Variants in MARK1 observed in about 807,000 individuals in gnomAD.
MARK1 encodes the protein microtubule affinity regulating kinase 1.
A neutral mutation model predicts 96.3 loss-of-function variants in MARK1; 40 were observed. That is an observed-to-expected ratio of 0.42 (90% confidence interval 0.32 to 0.54). The LOEUF is 0.54. Ranked by LOEUF, MARK1 falls within the 20% of genes least tolerant of loss-of-function variation. The probability of loss-of-function intolerance (pLI) is 0.16; values close to 1 mark genes in which losing one functional copy is unlikely to be tolerated. For synonymous variants in MARK1, 317 were observed against 341.2 expected (o/e 0.93, Z 0.78); for missense variants, 719 against 984.6 (o/e 0.73, Z 3.61).
Position 220,618,800 on chromosome 1 carries a change from A to C in MARK1, c.909+45A>C. ...CCAAATTTAAATTTTAACAATTAAA[A>C]TATTCCAGGAACCGAAGAGCATTTT... On this transcript the variant is annotated intron_variant, in intron 9 of 17. Transcript: ENST00000366917. The surrounding 1 kb of genome is among the most constrained non-coding windows in gnomAD (Gnocchi z 4.6). 6.7e-7 allele frequency: 1 copy of C among 1,502,536 alleles called. No homozygotes were observed. The highest frequency in any genetic ancestry group is 9.0e-7 in the Non-Finnish European group (1 of 1,115,438). The allele number at this position is 1,502,536 out of a possible 1,614,324, so 93.1% of individuals were successfully genotyped here.
chr1:220,626,081 G>T, intron 9 of MARK1: 1 of 596,786 alleles, frequency 1.7e-6, no homozygotes, highest in Non-Finnish European at 3.2e-6. Context: ...TCTACTGGTG[G>T]CTCTCTGGCA....
rs1668905099 is a variant in MARK1 at position 220,651,979 on chromosome 1, G to A, written c.1572-7G>A. ...CCATGGTCTTCTCAACTGCTTTATG[G>A]TGAAAGCCTTACGGAGATGTCTGTG... is the stretch of plus-strand genomic sequence containing the variant. On this transcript the variant is annotated splice_region_variant and splice_polypyrimidine_tract_variant and intron_variant, in intron 14 of 17. Coordinates refer to ENST00000366917, the MANE Select transcript of MARK1 (RefSeq NM_018650.5). 1 of 1,562,924 alleles carries A rather than the reference G, an allele frequency of 6.4e-7. No individual in the cohort carries two copies. Among genetic ancestry groups the A allele is most frequent in the African/African-American group, 1.4e-5 (1 of 73,990 alleles).
At chr1:220,578,653 AG>A (rs1664030377) in intron 1 of MARK1, among the ~76,000 whole-genome samples, 1 of 152,174 alleles carries the variant, frequency 6.6e-6, no homozygotes, top group African/African-American at 2.4e-5. Context: ...TTTGAGAAAA[AG>A]ATTTATACCC....
intron 1 of MARK1, among the ~76,000 whole-genome samples, chr1:220,560,910 T>G (rs898019271): frequency 2.6e-5 from 4 of 152,084 alleles, no homozygotes; most frequent in African/African-American, 9.7e-5. Context: ...GACCAAAAAT[T>G]TAAGTGAAAT....
intron 9 of MARK1, among the ~76,000 whole-genome samples, chr1:220,624,234 G>C (rs1397005106): frequency 3.4e-5 from 5 of 149,106 alleles, no homozygotes; most frequent in Non-Finnish European, 7.4e-5. Flanking sequence ...GGAAGTGGAG[G>C]TTGCAGTGAA....
rs1664100411 is a variant in MARK1 at position 220,579,678 on chromosome 1, GTGTGAATGGAACA to G, written c.255+123_255+135del. ...TTCAATATGATTAACACTGGGGTGT[GTGTGAATGGAACA>G]TTAGTAGGCAGAGGTTTATCACGGC... On this transcript the variant is annotated intron_variant, in intron 2 of 17. Coordinates refer to ENST00000366917, the MANE Select transcript of MARK1 (RefSeq NM_018650.5). 5.5e-6 allele frequency: 4 copies of G among 721,786 alleles called. No individual in the cohort carries two copies. The East Asian group carries it at 8.1e-5, about 15-fold the overall frequency. The allele number at this position is 721,786 out of a possible 1,614,324, so 44.7% of individuals were successfully genotyped here.
chr1:220,646,866 A>T lies in MARK1; in HGVS notation c.1471-3754A>T, dbSNP rs370664530. 1.4e-4 allele frequency among the ~76,000 whole-genome samples: 21 copies of T among 152,336 alleles called. No individual in the cohort carries two copies. The East Asian group carries it at 4.0e-3, about 29-fold the overall frequency. Reference sequence around the variant, plus strand: ...AGCTAGCCATATGCAGAAAATTGAAACTGGACCCTTTCCTTATACCTTATA... The same window carrying T: ...AGCTAGCCATATGCAGAAAATTGAATCTGGACCCTTTCCTTATACCTTATA... On this transcript the variant is annotated intron_variant, in intron 13 of 17. Coordinates refer to ENST00000366917, the MANE Select transcript of MARK1 (RefSeq NM_018650.5).
intron 13 of MARK1, among the ~76,000 whole-genome samples, chr1:220,636,901 TAA>T (rs78112733): frequency 3.5e-4 from 47 of 133,484 alleles, no homozygotes; most frequent in Non-Finnish European, 3.2e-4. Flanking sequence ...AGACTCCGTT[TAA>T]AAAAAAAAAA....
chr1:220,530,242 A>T (rs1012373332), intron 1 of MARK1, among the ~76,000 whole-genome samples: 11 of 152,128 alleles, frequency 7.2e-5, no homozygotes, highest in African/African-American at 2.4e-4. Flanking sequence ...TGGGAAAGAT[A>T]GTGTAAGGCT....
At chr1:220,592,349 A>G (rs902597449) in intron 3 of MARK1, among the ~76,000 whole-genome samples, 1 of 151,880 alleles carries the variant, frequency 6.6e-6, no homozygotes, top group Non-Finnish European at 1.5e-5. Context: ...GGAGAAGTCC[A>G]CTTGGCAAGG....
At chr1:220,542,256 G>A (rs1401771906) in intron 1 of MARK1, among the ~76,000 whole-genome samples, 3 of 152,016 alleles carry the variant, frequency 2.0e-5, no homozygotes, top group Non-Finnish European at 4.4e-5. Flanking sequence ...TTAATATATA[G>A]TAATTTGCAT....
chr1:220,626,549 C>A, intron 9 of MARK1: 2 of 474,780 alleles, frequency 4.2e-6, no homozygotes, highest in South Asian at 1.6e-5. Context: ...GCTGGCCTGT[C>A]GTGGTGGCTC....
At position 220,581,117 on chromosome 1, in the gene MARK1, AG is replaced by A; in HGVS notation, c.309+1del. The A allele has an allele frequency of 2.5e-6, 3 of 1,179,472 alleles. No homozygotes were observed. Among genetic ancestry groups the A allele is most frequent in the Non-Finnish European group, 2.3e-6 (2 of 882,906 alleles). 73.1% of individuals were successfully genotyped at this position (1,179,472 alleles called of 1,614,324 possible). A position where few individuals can be genotyped will look rare whatever the true frequency, so the allele number is the denominator to read the frequency against. On this transcript the variant is annotated frameshift_variant and splice_region_variant, in exon 3 of 18. Transcript: ENST00000366917. LOFTEE classifies it high-confidence loss of function. Reference protein sequence around the residue: ...KTQLNPTSLQKLFREVRIMKI... With the variant: ...KTQLNPTSLQXLFREVRIMKI... Reference sequence around the variant, plus strand: ...CAGCTAAATCCTACCAGTCTACAAAAGGTATTTAATTAATTTAATAAGTAAT... The same window carrying A: ...CAGCTAAATCCTACCAGTCTACAAAAGTATTTAATTAATTTAATAAGTAAT...
chr1:220,568,820 G>A (rs1341773939), intron 1 of MARK1, among the ~76,000 whole-genome samples: 1 of 152,146 alleles, frequency 6.6e-6, no homozygotes, highest in East Asian at 1.9e-4. Context: ...GATGGACTTT[G>A]TGCTTGCTTC....
At chr1:220,614,142 G>A (rs1666609084) in intron 6 of MARK1, among the ~76,000 whole-genome samples, 1 of 151,912 alleles carries the variant, frequency 6.6e-6, no homozygotes, top group African/African-American at 2.4e-5. Flanking sequence ...CGTGTAGCTG[G>A]GACCACAGGT....
In MARK1 at chr1:220,598,398, T is replaced by TTATATATA. The variant is rs5781180; in HGVS notation, c.358+32_358+39dup. The TTATATATA allele has an allele frequency of 3.1e-4, 67 of 213,924 alleles. No homozygotes were observed. The highest frequency in any genetic ancestry group is 6.1e-4 in the South Asian group (7 of 11,520). The allele number at this position is 213,924 out of a possible 1,614,324, so 13.3% of individuals were successfully genotyped here. A position where few individuals can be genotyped will look rare whatever the true frequency, so the allele number is the denominator to read the frequency against. ...AATATAGGTATGAAATATATATATA[T>TTATATATA]TATATATATATATATATATAATTAG... On this transcript the variant is annotated intron_variant, in intron 4 of 17. Coordinates refer to ENST00000366917, the MANE Select transcript of MARK1 (RefSeq NM_018650.5).
At chr1:220,601,046 T>C (rs12127484) in intron 5 of MARK1, among the ~76,000 whole-genome samples, 5,359 of 152,006 alleles carry the variant, frequency 0.035, 129 homozygotes, top group Non-Finnish European at 0.054. Context: ...GCCTCCCGAG[T>C]AGCTGGGACT....
chr1:220,547,247 A>G (rs1282062009), intron 1 of MARK1, among the ~76,000 whole-genome samples: 5 of 152,222 alleles, frequency 3.3e-5, no homozygotes, highest in African/African-American at 7.2e-5. Context: ...CTAAATACCA[A>G]GAACTAAAAG....
In MARK1 at chr1:220,583,841, T is replaced by G. The variant is rs9431269; in HGVS notation, c.309+2723T>G. On this transcript the variant is annotated intron_variant, in intron 3 of 17. Coordinates refer to ENST00000366917, the MANE Select transcript of MARK1 (RefSeq NM_018650.5). ...TTTTTTTTTTTTTTTTTTTTTTTTG[T>G]ATTTTTAGTAGAGACGAGGATTCAC... Among the ~76,000 whole-genome samples the G allele has an allele frequency of 2.5e-5, 3 of 122,092 alleles. No homozygotes were observed. In the South Asian group the frequency reaches 8.7e-4, roughly 35 times the overall value. 80.1% of individuals were successfully genotyped at this position (122,092 alleles called of 152,430 possible). A position where few individuals can be genotyped will look rare whatever the true frequency, so the allele number is the denominator to read the frequency against.
Sources: allele counts gnomAD v4.1 joint callset (sites outside exome capture counted in the v4.1 genomes callset), GRCh38; gene constraint gnomAD v4.1.1; non-coding constraint Gnocchi (gnomAD v3.1); transcripts MANE v1.5; gene names NCBI Gene and HGNC (gene_info 2026-07-23, HGNC 2026-07-21).